Variants in WWC1 observed in about 807,000 individuals in gnomAD.
WWC1 encodes the protein WW and C2 domain containing 1, also known as protein KIBRA.
Under a neutral mutation model 138.4 loss-of-function variants are expected in WWC1, and 55 were observed. The ratio of observed to expected loss-of-function variants is 0.40; its 90% CI spans 0.32 to 0.50. The LOEUF is 0.50. Ranked by LOEUF, WWC1 falls within the 20% of genes least tolerant of loss-of-function variation. The pLI is 0.72. For synonymous variants in WWC1, 524 were observed against 564.9 expected, an observed-to-expected ratio of 0.93 and a Z score of 1.03; for missense variants, 1,226 against 1,420.4, an observed-to-expected ratio of 0.86 and a Z score of 2.20.
At chr5:168,374,485 A>G (rs997711787) in intron 2 of WWC1, among the ~76,000 whole-genome samples, 1 of 152,210 alleles carries the variant, frequency 6.6e-6, no homozygotes, top group Non-Finnish European at 1.5e-5. Context: ...AGATAGAAGA[A>G]GAACTCCAAG....
Position 168,292,360 on chromosome 5 carries a change from G to T in WWC1, c.119+89G>T. The T allele has an allele frequency of 1.4e-6, 2 of 1,460,344 alleles. No homozygotes were observed. Among genetic ancestry groups the T allele is most frequent in the Non-Finnish European group, 1.8e-6 (2 of 1,082,120 alleles). 90.5% of individuals were successfully genotyped at this position (1,460,344 alleles called of 1,614,324 possible). ...AGCCGCCGGCCGGGACTGGGAGGGGGCAGGGGAGCTCTGCGTGCCTCTTGA... is the reference window on the plus strand; with the variant it reads ...AGCCGCCGGCCGGGACTGGGAGGGGTCAGGGGAGCTCTGCGTGCCTCTTGA... On this transcript the variant is annotated intron_variant, in intron 1 of 22. Coordinates refer to ENST00000265293, the MANE Select transcript of WWC1 (RefSeq NM_015238.3). This position sits in a 1 kb window ranked among gnomAD's most constrained non-coding sequence, Gnocchi z 4.4.
chr5:168,388,840 AC>A (rs1476081849), intron 3 of WWC1, among the ~76,000 whole-genome samples: 1 of 151,818 alleles, frequency 6.6e-6, no homozygotes, highest in Non-Finnish European at 1.5e-5. Context: ...AAAAAAAAAA[AC>A]AAAAAACAAA....
In WWC1 at chr5:168,378,409, CTAAAATT is replaced by C. The variant is rs557501709; in HGVS notation, c.230-6796_230-6790del. 3.4e-3 allele frequency among the ~76,000 whole-genome samples: 514 copies of C among 152,200 alleles called. 2 individuals carry two copies. The highest frequency in any genetic ancestry group is 0.012 in the African/African-American group (489 of 41,532). ...AAACATGCACAGGTACCCCCTGAAT[CTAAAATT>C]TAAAAGTTAAATTTTTTAAAAAGGG... On this transcript the variant is annotated intron_variant, in intron 2 of 22. Transcript: ENST00000265293.
intron 1 of WWC1, among the ~76,000 whole-genome samples, chr5:168,364,469 A>G (rs749756237): frequency 1.6e-4 from 25 of 152,292 alleles, no homozygotes; most frequent in African/African-American, 5.5e-4. Context: ...TTACAGCCAC[A>G]TACACTCCCA....
At chr5:168,465,830 TTACAG>T (rs1757251499) in intron 21 of WWC1, among the ~76,000 whole-genome samples, 1 of 152,168 alleles carries the variant, frequency 6.6e-6, no homozygotes, top group Non-Finnish European at 1.5e-5. Flanking sequence ...AGTGTTGCGA[TTACAG>T]GCATGAGCCA....
At position 168,431,454 on chromosome 5, in the gene WWC1, GTGTC is replaced by G. The variant is rs758793178; in HGVS notation, c.2280+13_2280+16del. 4.3e-5 allele frequency: 66 copies of G among 1,549,046 alleles called. No individual in the cohort carries two copies. The highest frequency in any genetic ancestry group is 5.1e-5 in the Non-Finnish European group (59 of 1,159,878). ...TCTGGAAGAGTGCCTGGTAAGGGCC[GTGTC>G]TGGCTGGCTGGCTGGCTGGCTGGCT... On this transcript the variant is annotated intron_variant, in intron 15 of 22. Coordinates refer to ENST00000265293, the MANE Select transcript of WWC1 (RefSeq NM_015238.3).
chr5:168,430,956 A>T (rs530472669), intron 14 of WWC1, among the ~76,000 whole-genome samples: 50 of 152,320 alleles, frequency 3.3e-4, no homozygotes, highest in African/African-American at 1.1e-3. Context: ...TTCTGCCCAC[A>T]CAGACAGTGC....
intron 8 of WWC1, among the ~76,000 whole-genome samples, chr5:168,411,223 G>A (rs1391271173): frequency 3.3e-5 from 5 of 152,064 alleles, no homozygotes; most frequent in African/African-American, 4.8e-5. Context: ...TACCGCACCC[G>A]GCCAAGTTCA....
chr5:168,430,400 C>A (rs537085810), intron 14 of WWC1, among the ~76,000 whole-genome samples, 177 bp downstream of exon 14: 2 of 152,234 alleles, frequency 1.3e-5, no homozygotes, highest in East Asian at 3.9e-4. Flanking sequence ...ACAGGCACAA[C>A]GGCAAGCACA....
intron 2 of WWC1, among the ~76,000 whole-genome samples, chr5:168,376,603 T>TA: frequency 6.6e-6 from 1 of 152,094 alleles, no homozygotes; most frequent in Non-Finnish European, 1.5e-5. Flanking sequence ...AAAATAAATG[T>TA]AAAAAAATCA....
intron 2 of WWC1, among the ~76,000 whole-genome samples, chr5:168,373,962 C>T (rs1457082101): frequency 2.0e-5 from 3 of 148,408 alleles, no homozygotes; most frequent in African/African-American, 7.5e-5. Flanking sequence ...AGGAGAATGG[C>T]ATGAACCCTG....
At position 168,292,259 on chromosome 5, in the gene WWC1, A is replaced by G; in HGVS notation, c.107A>G (p.Asp36Gly). ...ACGAACCGCACCACCAGCTGGATCG[A>G]CCCGCGGGACAGGTAGGACCCTGGA... ...DHTNRTTSWI[D>G]PRDRYTKPLT... Residue 36 changes from aspartate to glycine, a missense_variant, in exon 1 of 23, where the codon GAC becomes GGC. Asp to Gly is a moderately conservative substitution (Grantham distance 94). This residue lies in a region of WWC1 where 1,016 missense variants were observed against 1,153.9 expected (regional missense o/e 0.88). Coordinates refer to ENST00000265293, the MANE Select transcript of WWC1 (RefSeq NM_015238.3). This position sits in a 1 kb window ranked among gnomAD's most constrained non-coding sequence, Gnocchi z 4.4. The G allele has an allele frequency of 6.3e-7, 1 of 1,597,978 alleles. No homozygotes were observed. Among genetic ancestry groups the G allele is most frequent in the Non-Finnish European group, 8.5e-7 (1 of 1,173,200 alleles).
chr5:168,411,942 AAAG>A lies in WWC1; in HGVS notation c.941+1954_941+1956del, dbSNP rs1035408573. On this transcript the variant is annotated intron_variant, in intron 8 of 22. Coordinates refer to ENST00000265293, the MANE Select transcript of WWC1 (RefSeq NM_015238.3). ...AAGACAAATTGGAATATTATTAACA[AAAG>A]AAGAAGGAATTGAATACTGGTCAGG... 3.1e-6 allele frequency: 3 copies of A among 977,140 alleles called. No homozygotes were observed. In the African/African-American group the frequency reaches 5.3e-5, roughly 17 times the overall value. The allele number at this position is 977,140 out of a possible 1,614,324, so 60.5% of individuals were successfully genotyped here. A position where few individuals can be genotyped will look rare whatever the true frequency, so the allele number is the denominator to read the frequency against.
chr5:168,406,119 G>C, intron 5 of WWC1, 79 bp from the exon 6 acceptor site: 1 of 1,547,582 alleles, frequency 6.5e-7, no homozygotes, highest in Non-Finnish European at 8.8e-7. Context: ...CTGAAGTCCT[G>C]TGGTCTGTGC....
intron 5 of WWC1, 133 bp from the exon 6 acceptor site, chr5:168,406,065 G>A: frequency 8.6e-7 from 1 of 1,160,628 alleles, no homozygotes; most frequent in Non-Finnish European, 1.2e-6. Context: ...TGGGACCTAG[G>A]GAGGAAGGGT....
Position 168,430,231 on chromosome 5 carries a change from T to C in WWC1, c.2087+8T>C. On this transcript the variant is annotated splice_region_variant and intron_variant, in intron 14 of 22. Transcript: ENST00000265293. ...GCAACAAGACCAGAAAGTGTGAGTATGTAGCTGGACAGGTGTATTTCATAC... is the reference window on the plus strand; with the variant it reads ...GCAACAAGACCAGAAAGTGTGAGTACGTAGCTGGACAGGTGTATTTCATAC... 1 of 1,611,652 alleles carries C rather than the reference T, an allele frequency of 6.2e-7. No individual in the cohort carries two copies. The highest frequency in any genetic ancestry group is 8.5e-7 in the Non-Finnish European group (1 of 1,178,552).
chr5:168,451,608 G>A (rs1755821561), intron 17 of WWC1, among the ~76,000 whole-genome samples: 2 of 152,154 alleles, frequency 1.3e-5, no homozygotes, highest in African/African-American at 4.8e-5. Flanking sequence ...GGCTGAGGCA[G>A]GAGAATCAAT....
chr5:168,398,087 A>G (rs1253963448), intron 4 of WWC1, among the ~76,000 whole-genome samples: 3 of 70,478 alleles, frequency 4.3e-5, no homozygotes, highest in Non-Finnish European at 7.2e-5. Context: ...TATTATTTTT[A>G]TTTATTTATT....
chr5:168,429,400 AG>A (rs1361889429), intron 13 of WWC1, among the ~76,000 whole-genome samples: 1 of 151,632 alleles, frequency 6.6e-6, no homozygotes, highest in Non-Finnish European at 1.5e-5. Flanking sequence ...CTGGGATTAC[AG>A]GTGTGTGCCA....
Sources: allele counts gnomAD v4.1 joint callset (sites outside exome capture counted in the v4.1 genomes callset), GRCh38; gene constraint gnomAD v4.1.1; regional missense constraint gnomAD v4.1.1; non-coding constraint Gnocchi (gnomAD v3.1); transcripts MANE v1.5; gene names NCBI Gene and HGNC (gene_info 2026-07-23, HGNC 2026-07-21).